The following SH3RF1 variants were observed in gnomAD, a reference collection of about 807,000 sequenced individuals.
SH3RF1 encodes E3 ubiquitin-protein ligase SH3RF1.
A neutral mutation model predicts 74.0 loss-of-function variants in SH3RF1; 32 were observed. The observed-to-expected ratio is 0.43, with a 90% confidence interval of 0.33 to 0.58. The LOEUF (loss-of-function observed/expected upper bound fraction) is 0.58, where lower values mean the gene tolerates loss of function less well. Ranked by LOEUF, SH3RF1 falls within the 20% of genes least tolerant of loss-of-function variation. SH3RF1 has a pLI of 0.05. For synonymous variants in SH3RF1, 396 were observed against 439.6 expected, an observed-to-expected ratio of 0.90 and a Z score of 1.24; for missense variants, 954 against 1,130.9, an observed-to-expected ratio of 0.84 and a Z score of 2.24.
chr4:169,117,488 TA>T (rs1413830367), intron 9 of SH3RF1, 34 bp downstream of exon 9: 1 of 1,606,194 alleles, frequency 6.2e-7, no homozygotes, highest in Admixed American at 1.7e-5. Flanking sequence ...GTAAGCCCTT[TA>T]TCCTGATATG....
At chr4:169,248,673 A>G (rs1441010672) in intron 2 of SH3RF1, among the ~76,000 whole-genome samples, 11 of 152,208 alleles carry the variant, frequency 7.2e-5, no homozygotes, top group Admixed American at 7.2e-4. Flanking sequence ...ATTCAAAAAA[A>G]GTAATAGGAA....
intron 2 of SH3RF1, among the ~76,000 whole-genome samples, chr4:169,244,287 T>G (rs2110737822): frequency 6.6e-6 from 1 of 152,346 alleles, no homozygotes; most frequent in East Asian, 1.9e-4. Context: ...TTTTAAATTT[T>G]TCCATGTGAA....
At chr4:169,270,527 G>A (rs1731430660) in intron 1 of SH3RF1, among the ~76,000 whole-genome samples, 1 of 152,246 alleles carries the variant, frequency 6.6e-6, no homozygotes, top group African/African-American at 2.4e-5. Flanking sequence ...CAGCCCCACA[G>A]AGTGCCACGG....
At chr4:169,104,006 T>C (rs116431539) in intron 11 of SH3RF1, among the ~76,000 whole-genome samples, 1,672 of 152,288 alleles carry the variant, frequency 0.011, 11 homozygotes, top group Non-Finnish European at 0.015. Flanking sequence ...CCATCACCTG[T>C]CTGAGCTAGC....
chr4:169,248,930 T>A (rs1731052647), intron 2 of SH3RF1, among the ~76,000 whole-genome samples: 1 of 152,214 alleles, frequency 6.6e-6, no homozygotes, highest in Non-Finnish European at 1.5e-5. Context: ...AAGTAGGGCC[T>A]TTAAGAGGCA....
Position 169,096,463 on chromosome 4 carries a change from GCTTTGTGCTA to G in SH3RF1, c.*46_*55del, listed in dbSNP as rs1732933035. The G allele has an allele frequency of 1.3e-6, 2 of 1,568,234 alleles. No individual in the cohort carries two copies. On this transcript the variant is annotated 3_prime_UTR_variant, in exon 12 of 12. Transcript: ENST00000284637. ...ACAAATGTGCTCTTTCTGTTAAACT[GCTTTGTGCTA>G]CTTTGTTGTGTGAAGTGATTTTAAG...
At chr4:169,152,868 C>T (rs373222611) in intron 4 of SH3RF1, among the ~76,000 whole-genome samples, 6 of 152,214 alleles carry the variant, frequency 3.9e-5, no homozygotes, top group African/African-American at 1.4e-4. Flanking sequence ...TAGTTGAGGA[C>T]AGGAAGAGAG....
In SH3RF1 at chr4:169,096,522, T is replaced by C. The variant is rs1732935206; in HGVS notation, c.2664A>G (p.Ile888Met). 2 of 1,613,592 alleles carry C rather than the reference T, an allele frequency of 1.2e-6. No individual in the cohort carries two copies. Among genetic ancestry groups the C allele is most frequent in the South Asian group, 1.1e-5 (1 of 90,916 alleles). Reference sequence around the variant, plus strand: ...AGCTTCTTCAGTGTCAGTCTCCTCATATGTTTTCCACAAAGCTTCCTGGGA... The same window carrying C: ...AGCTTCTTCAGTGTCAGTCTCCTCACATGTTTTCCACAAAGCTTCCTGGGA... ...GLFPGSFVENI is the reference protein window; with the variant it reads ...GLFPGSFVENM Residue 888 changes from isoleucine to methionine, a missense_variant, in exon 12 of 12, where the codon ATA (isoleucine) becomes ATG (methionine). Ile to Met is a conservative substitution (Grantham distance 10). This residue lies in a region of SH3RF1 where 36 missense variants were observed against 66.5 expected (regional missense o/e 0.54). Transcript: ENST00000284637.
At chr4:169,142,277 T>C (rs1467415950) in intron 4 of SH3RF1, among the ~76,000 whole-genome samples, 3 of 152,226 alleles carry the variant, frequency 2.0e-5, no homozygotes, top group Non-Finnish European at 1.5e-5. Context: ...TTTTATATTA[T>C]GTAAAGTGCT....
chr4:169,219,150 A>G (rs1196212189), intron 2 of SH3RF1, among the ~76,000 whole-genome samples: 4 of 152,214 alleles, frequency 2.6e-5, no homozygotes, highest in African/African-American at 9.6e-5. Context: ...AGACGCAAGC[A>G]TAAGAACAGT....
chr4:169,132,233 A>T (rs1183383871), intron 5 of SH3RF1, among the ~76,000 whole-genome samples: 1 of 152,222 alleles, frequency 6.6e-6, no homozygotes, highest in Non-Finnish European at 1.5e-5. Flanking sequence ...CCTGGGCCTG[A>T]CCCTATACAT....
At chr4:169,130,571 A>G (rs1733602465) in intron 5 of SH3RF1, among the ~76,000 whole-genome samples, 1 of 152,166 alleles carries the variant, frequency 6.6e-6, no homozygotes, top group South Asian at 2.1e-4. Flanking sequence ...GTCTATCAAT[A>G]CGTTAAATCT....
chr4:169,190,427 G>A (rs997066451), intron 2 of SH3RF1, among the ~76,000 whole-genome samples: 6 of 152,088 alleles, frequency 3.9e-5, no homozygotes, highest in East Asian at 1.9e-4. Context: ...AAGATCATTC[G>A]AGGTTACTAT....
At chr4:169,202,791 T>C (rs1247897765) in intron 2 of SH3RF1, among the ~76,000 whole-genome samples, 3 of 152,216 alleles carry the variant, frequency 2.0e-5, no homozygotes, top group Non-Finnish European at 2.9e-5. Context: ...CATCAGATAC[T>C]TAAACTTTGT....
At position 169,176,517 on chromosome 4, in the gene SH3RF1, T is replaced by C. The variant is rs1420762249; in HGVS notation, c.394-19838A>G. On this transcript the variant is annotated intron_variant, in intron 2 of 11. Transcript: ENST00000284637. ...GAACAAAACCAATATTAATATTTAC[T>C]AAGATGAACATAAATGTTGAGGGTT... is the stretch of plus-strand genomic sequence containing the variant. Among the ~76,000 whole-genome samples the C allele has an allele frequency of 3.3e-5, 5 of 152,144 alleles. No individual in the cohort carries two copies. In the East Asian group the frequency reaches 9.6e-4, roughly 29 times the overall value.
At chr4:169,103,982 C>T (rs930433159) in intron 11 of SH3RF1, among the ~76,000 whole-genome samples, 3 of 152,162 alleles carry the variant, frequency 2.0e-5, no homozygotes, top group Non-Finnish European at 4.4e-5. Flanking sequence ...GTGCATCCCC[C>T]GCTCCCTGAA....
At chr4:169,159,476 G>A (rs1473781462) in intron 2 of SH3RF1, among the ~76,000 whole-genome samples, 1 of 152,188 alleles carries the variant, frequency 6.6e-6, no homozygotes, top group African/African-American at 2.4e-5. Context: ...GCAGTATAGG[G>A]TACTGGCTGG....
intron 2 of SH3RF1, among the ~76,000 whole-genome samples, chr4:169,244,753 A>C (rs1053294355): frequency 3.3e-5 from 5 of 152,334 alleles, no homozygotes; most frequent in Admixed American, 1.3e-4. Context: ...ACAACGCCAC[A>C]GTGCTGCACT....
intron 2 of SH3RF1, among the ~76,000 whole-genome samples, chr4:169,210,870 G>A (rs1730349723): frequency 6.6e-6 from 1 of 152,184 alleles, no homozygotes; most frequent in African/African-American, 2.4e-5. Context: ...ACCATGCACA[G>A]AGCCGGAGTC....
Sources: allele counts gnomAD v4.1 joint callset (sites outside exome capture counted in the v4.1 genomes callset), GRCh38; gene constraint gnomAD v4.1.1; regional missense constraint gnomAD v4.1.1; transcripts MANE v1.5; gene names NCBI Gene and HGNC (gene_info 2026-07-23, HGNC 2026-07-21).